Variants in SRL observed in about 807,000 individuals in gnomAD.
SRL encodes the protein sarcalumenin.
A neutral mutation model predicts 39.5 loss-of-function variants in SRL; 23 were observed. The ratio of observed to expected loss-of-function variants is 0.58; its 90% CI spans 0.42 to 0.82. The LOEUF is 0.82. Ranked by LOEUF, SRL falls within the 40% of genes least tolerant of loss-of-function variation. SRL has a pLI of 0.00. For missense variants in SRL, 592 were observed against 607.8 expected (o/e 0.97, Z 0.27); for synonymous variants, 272 against 237.4 (o/e 1.15, Z -1.34).
In SRL at chr16:4,191,497, G is replaced by C. The variant is rs1041643159; in HGVS notation, c.*656C>G. 6.6e-6 allele frequency: 1 copy of C among 152,448 alleles called. No individual in the cohort carries two copies. The highest frequency in any genetic ancestry group is 2.4e-5 in the African/African-American group (1 of 41,452). 9.4% of individuals were successfully genotyped at this position (152,448 alleles called of 1,614,324 possible). Reference sequence around the variant, plus strand: ...GCATGGTGGTAGGCCTATAATCTCAGCTACTCAGGAGGCTGAGGCAGGAGA... The same window carrying C: ...GCATGGTGGTAGGCCTATAATCTCACCTACTCAGGAGGCTGAGGCAGGAGA... On this transcript the variant is annotated 3_prime_UTR_variant, in exon 6 of 6. Transcript: ENST00000399609.
chr16:4,196,311 A>C (rs1271447198), intron 4 of SRL, among the ~76,000 whole-genome samples: 1 of 151,996 alleles, frequency 6.6e-6, no homozygotes, highest in African/African-American at 2.4e-5. Flanking sequence ...GGCATTAAGC[A>C]CATTCACCCT....
intron 1 of SRL, among the ~76,000 whole-genome samples, chr16:4,232,695 A>G (rs2052672928): frequency 6.6e-6 from 1 of 152,098 alleles, no homozygotes; most frequent in Admixed American, 6.5e-5. Context: ...ATTTTTTTGT[A>G]GAGATGGGGT....
intron 1 of SRL, among the ~76,000 whole-genome samples, chr16:4,230,907 A>C (rs2052653902): frequency 6.6e-6 from 1 of 152,196 alleles, no homozygotes; most frequent in Non-Finnish European, 1.5e-5. Flanking sequence ...ATTGCTGGCA[A>C]CCACTGGATG....
intron 1 of SRL, among the ~76,000 whole-genome samples, chr16:4,214,535 C>G (rs1477711248): frequency 6.6e-6 from 1 of 152,152 alleles, no homozygotes; most frequent in Non-Finnish European, 1.5e-5. Flanking sequence ...CCATCCACCC[C>G]CCGCCCCACG....
At chr16:4,194,927 C>A (rs1248433299) in intron 5 of SRL, among the ~76,000 whole-genome samples, 1 of 151,772 alleles carries the variant, frequency 6.6e-6, no homozygotes, top group East Asian at 1.9e-4. Flanking sequence ...CAGAGTCTTG[C>A]TGTGTCACTA....
At chr16:4,210,332 G>T (rs187660011) in intron 1 of SRL, among the ~76,000 whole-genome samples, 191 of 152,210 alleles carry the variant, frequency 1.3e-3, no homozygotes, top group African/African-American at 4.4e-3. Flanking sequence ...TGAACAGCAG[G>T]ATACGTATAA....
chr16:4,199,695 T>TTC (rs1168624160), intron 3 of SRL, among the ~76,000 whole-genome samples: 59 of 133,990 alleles, frequency 4.4e-4, no homozygotes, highest in African/African-American at 1.7e-3. Flanking sequence ...TTCTTTTCCT[T>TTC]TTTTTTTTTT....
At chr16:4,221,681 G>A (rs1044135534) in intron 1 of SRL, among the ~76,000 whole-genome samples, 3 of 152,200 alleles carry the variant, frequency 2.0e-5, no homozygotes, top group African/African-American at 7.2e-5. Flanking sequence ...CTGTGACAAA[G>A]CACTATAAAC....
intron 1 of SRL, among the ~76,000 whole-genome samples, chr16:4,209,227 C>T (rs1379311511): frequency 1.3e-5 from 2 of 151,720 alleles, no homozygotes; most frequent in South Asian, 4.2e-4. Flanking sequence ...GAGCCGAGAT[C>T]GCGCCACTGC....
At chr16:4,210,420 C>A (rs1361138058) in intron 1 of SRL, among the ~76,000 whole-genome samples, 1 of 150,800 alleles carries the variant, frequency 6.6e-6, no homozygotes, top group Non-Finnish European at 1.5e-5. Context: ...ATATATAAAA[C>A]AGTATCTTCA....
intron 3 of SRL, among the ~76,000 whole-genome samples, chr16:4,202,553 A>T (rs1046818132): frequency 6.6e-6 from 1 of 151,734 alleles, no homozygotes; most frequent in African/African-American, 2.4e-5. Flanking sequence ...AGATTGCGCC[A>T]CTGCACTCCA....
intron 1 of SRL, among the ~76,000 whole-genome samples, chr16:4,216,524 A>C (rs11866456): frequency 0.14 from 21,496 of 152,208 alleles, 2,787 homozygotes; most frequent in African/African-American, 0.35. Flanking sequence ...CACCCGCCTC[A>C]AGTTCCCAAA....
intron 1 of SRL, among the ~76,000 whole-genome samples, chr16:4,220,757 G>A (rs545828922): frequency 7.8e-4 from 119 of 152,172 alleles, no homozygotes; most frequent in Non-Finnish European, 1.6e-3. Context: ...GGGTGGCTGA[G>A]GCAGGGGGAT....
chr16:4,227,866 A>T, intron 1 of SRL, among the ~76,000 whole-genome samples: 1 of 152,226 alleles, frequency 6.6e-6, no homozygotes. Flanking sequence ...AAAGACCTTA[A>T]GATCTTATTG....
intron 1 of SRL, among the ~76,000 whole-genome samples, chr16:4,229,604 G>C (rs2052636841): frequency 6.6e-6 from 1 of 151,894 alleles, no homozygotes; most frequent in South Asian, 2.1e-4. Context: ...ATAAAGAGGG[G>C]AACAATAGAC....
intron 1 of SRL, among the ~76,000 whole-genome samples, chr16:4,236,623 C>G (rs906983510): frequency 1.3e-5 from 2 of 151,954 alleles, no homozygotes; most frequent in Admixed American, 1.3e-4. Context: ...CCACGAGTAA[C>G]CAATCTTCAT....
chr16:4,227,222 G>C (rs559467542), intron 1 of SRL, among the ~76,000 whole-genome samples: 1 of 148,136 alleles, frequency 6.8e-6, no homozygotes, highest in Middle Eastern at 3.9e-3. Flanking sequence ...GGGTGGATGA[G>C]TGGATGGGTG....
intron 1 of SRL, among the ~76,000 whole-genome samples, chr16:4,211,911 T>C (rs187572464): frequency 7.2e-4 from 109 of 152,226 alleles, no homozygotes; most frequent in Admixed American, 1.2e-3. Flanking sequence ...ATGAGAATGA[T>C]AGTGGTGATA....
intron 1 of SRL, among the ~76,000 whole-genome samples, chr16:4,209,718 C>G (rs989370537): frequency 2.6e-5 from 4 of 152,184 alleles, no homozygotes; most frequent in African/African-American, 4.8e-5. Flanking sequence ...TATAGAGGAG[C>G]CCCGTGGATT....
Sources: allele counts gnomAD v4.1 joint callset (sites outside exome capture counted in the v4.1 genomes callset), GRCh38; gene constraint gnomAD v4.1.1; transcripts MANE v1.5; gene names NCBI Gene and HGNC (gene_info 2026-07-23, HGNC 2026-07-21).